The following MPHOSPH9 variants were observed in gnomAD, a reference collection of about 807,000 sequenced individuals.
MPHOSPH9 encodes M-phase phosphoprotein 9.
MPHOSPH9 carries 88 observed loss-of-function variants against 145.5 expected under a neutral mutation model. The observed-to-expected ratio is 0.60, with a 90% CI of 0.51 to 0.72. MPHOSPH9 has a LOEUF of 0.72. Ranked by LOEUF, MPHOSPH9 falls within the 30% of genes least tolerant of loss-of-function variation. MPHOSPH9 has a pLI of 0.00. For synonymous variants in MPHOSPH9, 435 were observed against 486.2 expected, an observed-to-expected ratio of 0.89 and a Z score of 1.39; for missense variants, 1,238 against 1,386.6, an observed-to-expected ratio of 0.89 and a Z score of 1.70.
chr12:123,156,029 T>G lies in MPHOSPH9; in HGVS notation c.*778A>C, dbSNP rs2043853332. The G allele has an allele frequency of 6.6e-6, 1 of 152,200 alleles. No homozygotes were observed. The highest frequency in any genetic ancestry group is 2.4e-5 in the African/African-American group (1 of 41,432). The allele number at this position is 152,200 out of a possible 1,614,324, so 9.4% of individuals were successfully genotyped here. On this transcript the variant is annotated 3_prime_UTR_variant, in exon 24 of 24. Transcript: ENST00000606320. ...CTTAATCCCTCACGGGGTGGTGGCT[T>G]GTATTTCAAAGGGTTTATCTGTCCA...
At chr12:123,190,176 G>A (rs1312148865) in intron 13 of MPHOSPH9, among the ~76,000 whole-genome samples, 11 of 146,980 alleles carry the variant, frequency 7.5e-5, no homozygotes, top group African/African-American at 2.8e-4. Flanking sequence ...TTTTTGAGAT[G>A]GAGTCTCGCT....
At chr12:123,156,988 A>G in intron 23 of MPHOSPH9, 80 bp from the exon 24 acceptor site, 1 of 953,584 alleles carries the variant, frequency 1.0e-6, no homozygotes, top group East Asian at 2.5e-5. Context: ...CCTTTCTTTT[A>G]GCAAAAGAGC....
intron 8 of MPHOSPH9, 45 bp downstream of exon 8, chr12:123,210,011 C>T: frequency 2.2e-6 from 3 of 1,386,934 alleles, no homozygotes. Flanking sequence ...GCTGGGATTA[C>T]AGGCGTAAGC....
At chr12:123,215,246 A>T (rs2138519483) in intron 6 of MPHOSPH9, among the ~76,000 whole-genome samples, 1 of 152,252 alleles carries the variant, frequency 6.6e-6, no homozygotes, top group Middle Eastern at 3.4e-3. Flanking sequence ...TGTCTCAAAA[A>T]AAAAGAAGAA....
At chr12:123,208,874 G>A (rs1046940290) in intron 8 of MPHOSPH9, among the ~76,000 whole-genome samples, 8 of 151,904 alleles carry the variant, frequency 5.3e-5, no homozygotes, top group Admixed American at 2.6e-4. Flanking sequence ...TGTAAACTAT[G>A]ATGCCCAGCT....
chr12:123,174,853 G>C (rs999071594), intron 16 of MPHOSPH9, among the ~76,000 whole-genome samples: 4 of 152,116 alleles, frequency 2.6e-5, no homozygotes, highest in African/African-American at 9.7e-5. Flanking sequence ...TTGTTTGAGA[G>C]AGAAACCAAG....
At chr12:123,233,943 A>C (rs1417069740), upstream of MPHOSPH9, 1 of 151,446 alleles carries the variant, frequency 6.6e-6, no homozygotes, top group Non-Finnish European at 1.5e-5. Context: ...TGCCCTTGCT[A>C]GGCTTTTGCG....
At chr12:123,214,699 T>C (rs773637618) in intron 7 of MPHOSPH9, 45 bp downstream of exon 7, 2 of 1,426,002 alleles carry the variant, frequency 1.4e-6, no homozygotes, top group East Asian at 2.3e-5. Flanking sequence ...TTCCTCTGAG[T>C]GTATGTAGTT....
At chr12:123,158,780 C>T (rs1241731747) in intron 23 of MPHOSPH9, among the ~76,000 whole-genome samples, 1 of 152,134 alleles carries the variant, frequency 6.6e-6, no homozygotes, top group African/African-American at 2.4e-5. Flanking sequence ...GCAGGCACAC[C>T]ACCACAACCG....
upstream of MPHOSPH9, among the ~76,000 whole-genome samples, chr12:123,235,436 C>G (rs1306163655): frequency 6.6e-6 from 1 of 152,026 alleles, no homozygotes; most frequent in Non-Finnish European, 1.5e-5. Flanking sequence ...CAGAGCTCAG[C>G]TCACTGCAAG....
Position 123,218,508 on chromosome 12 carries a change from G to A in MPHOSPH9, c.873-9C>T. 1 of 1,607,854 alleles carries A rather than the reference G, an allele frequency of 6.2e-7. No homozygotes were observed. The highest frequency in any genetic ancestry group is 8.5e-7 in the Non-Finnish European group (1 of 1,177,746). ...ATGATGTTATAGCATTACTATTTAAGAAGAGAAAACCAAAATTACTTTTTT... is the reference window on the plus strand; with the variant it reads ...ATGATGTTATAGCATTACTATTTAAAAAGAGAAAACCAAAATTACTTTTTT... On this transcript the variant is annotated splice_polypyrimidine_tract_variant and intron_variant, in intron 5 of 23. Coordinates refer to ENST00000606320, the MANE Select transcript of MPHOSPH9 (RefSeq NM_022782.4).
rs1272943386 is a variant in MPHOSPH9 at position 123,218,255 on chromosome 12, T to C, written c.996+121A>G. The C allele has an allele frequency of 2.9e-6, 4 of 1,384,920 alleles. No individual in the cohort carries two copies. The African/African-American group carries it at 5.9e-5, about 20-fold the overall frequency. 85.8% of individuals were successfully genotyped at this position (1,384,920 alleles called of 1,614,324 possible). On this transcript the variant is annotated intron_variant, in intron 6 of 23. Transcript: ENST00000606320. ...CTCAAAAAAACAACAACAAAAAAAATGTATAAATGAACAAATTAACAATAC... is the reference window on the plus strand; with the variant it reads ...CTCAAAAAAACAACAACAAAAAAAACGTATAAATGAACAAATTAACAATAC...
intron 5 of MPHOSPH9, 132 bp downstream of exon 5, chr12:123,221,240 G>GT (rs1159923352): frequency 1.3e-6 from 1 of 750,542 alleles, no homozygotes; most frequent in Admixed American, 3.1e-5. Flanking sequence ...AGTGTGCTTT[G>GT]TTTATTTCAA....
At position 123,165,912 on chromosome 12, in the gene MPHOSPH9, T is replaced by C. The variant is rs546841596; in HGVS notation, c.2592-435A>G. Among the ~76,000 whole-genome samples, 5 of 152,182 alleles carry C rather than the reference T, an allele frequency of 3.3e-5. No homozygotes were observed. The South Asian group carries it at 1.0e-3, about 32-fold the overall frequency. ...TGGGGTTGTTAGGGGAATAACAGAGTTGACAATTATACTCCACAATGAGCA... is the reference window on the plus strand; with the variant it reads ...TGGGGTTGTTAGGGGAATAACAGAGCTGACAATTATACTCCACAATGAGCA... On this transcript the variant is annotated intron_variant, in intron 17 of 23. Coordinates refer to ENST00000606320, the MANE Select transcript of MPHOSPH9 (RefSeq NM_022782.4).
chr12:123,193,592 G>A (rs993921898), intron 13 of MPHOSPH9, among the ~76,000 whole-genome samples: 8 of 152,010 alleles, frequency 5.3e-5, no homozygotes, highest in African/African-American at 1.7e-4. Flanking sequence ...GGCCAGCCTG[G>A]GCAACATGGC....
chr12:123,194,587 T>G lies in MPHOSPH9; in HGVS notation c.2040A>C (p.Glu680Asp), dbSNP rs753960251. 1.9e-6 allele frequency: 3 copies of G among 1,591,548 alleles called. No individual in the cohort carries two copies. The East Asian group carries it at 6.7e-5, about 36-fold the overall frequency. ...AAGCACTGCTGGCTGCACTGAAGCG[T>G]TCTCTCAAATCATTCTATAAAACAA... ...LLEIEVNDLR[E>D]RFSAASSASK... The change falls in exon 13 of 24, where the codon GAA becomes GAC. Residue 680 changes from glutamate to aspartate, a missense_variant. By Grantham distance (45) the Glu-to-Asp change is conservative (BLOSUM62 2). This residue lies in a region of MPHOSPH9 where 837 missense variants were observed against 897.5 expected (regional missense o/e 0.93). Coordinates refer to ENST00000606320, the MANE Select transcript of MPHOSPH9 (RefSeq NM_022782.4).
At chr12:123,199,477 C>A (rs541978929) in intron 11 of MPHOSPH9, among the ~76,000 whole-genome samples, 3 of 152,166 alleles carry the variant, frequency 2.0e-5, no homozygotes, top group South Asian at 4.1e-4. Flanking sequence ...CAATTCTGTC[C>A]ATTAAGACTA....
upstream of MPHOSPH9, among the ~76,000 whole-genome samples, chr12:123,237,062 G>A (rs1373904438): frequency 6.6e-6 from 1 of 152,050 alleles, no homozygotes; most frequent in Non-Finnish European, 1.5e-5. Context: ...TCCAGGCTGG[G>A]TGACAGAGTG....
chr12:123,227,575 G>A lies in MPHOSPH9; in HGVS notation c.146C>T (p.Ser49Leu). 6.5e-7 allele frequency: 1 copy of A among 1,532,266 alleles called. No individual in the cohort carries two copies. The highest frequency in any genetic ancestry group is 8.7e-7 in the Non-Finnish European group (1 of 1,144,692). 94.9% of individuals were successfully genotyped at this position (1,532,266 alleles called of 1,614,324 possible). The change falls in exon 3 of 24, where the codon TCA becomes TTA. Residue 49 changes from serine (S) to leucine (L), a missense_variant. Transcript: ENST00000606320. ...HLSTNGVSSF[S>L]GKTRPSVIQG... ...AATTACAGATGGTCTGGTCTTCCCT[G>A]AGAAAGAGGATACCCCATTTGTACT...
Sources: gnomAD v4.1 joint callset for allele counts (sites outside exome capture counted in the v4.1 genomes callset) on GRCh38, gnomAD v4.1.1 for gene constraint, gnomAD v4.1.1 regional missense constraint, MANE v1.5 for transcripts, NCBI Gene and HGNC (gene_info 2026-07-23, HGNC 2026-07-21) for gene names.